MMS22L: variants seen among roughly 807,000 people sequenced by gnomAD.
MMS22L encodes protein MMS22-like.
In MMS22L, 74 loss-of-function variants were observed where a neutral mutation model predicts 159.1. The observed-to-expected ratio is 0.47, with a 90% confidence interval of 0.39 to 0.56. MMS22L has a LOEUF of 0.56. Ranked by LOEUF, MMS22L falls within the 20% of genes least tolerant of loss-of-function variation. The pLI is 0.00. For synonymous variants in MMS22L, 517 were observed against 506.9 expected (o/e 1.02, Z -0.27); for missense variants, 1,351 against 1,422.1 (o/e 0.95, Z 0.80).
At chr6:97,279,861 AT>A (rs1467391617) in intron 3 of MMS22L, among the ~76,000 whole-genome samples, 1 of 152,164 alleles carries the variant, frequency 6.6e-6, no homozygotes, top group Non-Finnish European at 1.5e-5. Context: ...TTTAAACTGT[AT>A]CATACAGTTA....
At chr6:97,243,086 T>G (rs1379226777) in intron 11 of MMS22L, among the ~76,000 whole-genome samples, 2 of 152,182 alleles carry the variant, frequency 1.3e-5, no homozygotes, top group Non-Finnish European at 2.9e-5. Flanking sequence ...GTTTCCCAGG[T>G]GTTCTTTGAG....
chr6:97,208,651 AG>A (rs922262886), intron 14 of MMS22L, among the ~76,000 whole-genome samples: 4 of 152,042 alleles, frequency 2.6e-5, no homozygotes, highest in Non-Finnish European at 4.4e-5. Flanking sequence ...AGACGGATTA[AG>A]GGAAAGAAAC....
intron 14 of MMS22L, among the ~76,000 whole-genome samples, chr6:97,195,495 G>A (rs182801581): frequency 5.0e-4 from 76 of 152,294 alleles, no homozygotes; most frequent in Middle Eastern, 3.4e-3. Context: ...GATTATAATA[G>A]AGAATTTTTA....
chr6:97,149,635 A>C (rs532668970), intron 24 of MMS22L, among the ~76,000 whole-genome samples: 159 of 152,310 alleles, frequency 1.0e-3, no homozygotes, highest in Non-Finnish European at 1.1e-3. Flanking sequence ...GAAAGGAAAA[A>C]CATGCAAATT....
At position 97,229,241 on chromosome 6, in the gene MMS22L, C is replaced by T. The variant is rs780369059; in HGVS notation, c.1692G>A (p.Thr564=). 5.0e-6 allele frequency: 8 copies of T among 1,614,070 alleles called. No individual in the cohort carries two copies. In the East Asian group the frequency reaches 1.3e-4, roughly 27 times the overall value. ...CCTTCCAAATGAGGGCTCTCTGAGACGTTACAAAAGCAGGCTTGAGGAAAT... is the reference window on the plus strand; with the variant it reads ...CCTTCCAAATGAGGGCTCTCTGAGATGTTACAAAAGCAGGCTTGAGGAAAT... ...LLNFLKPAFV[T]SQRALIWKGH... is the part of the protein sequence containing the mutation. Residue 564 remains threonine (T), a synonymous_variant, in exon 14 of 25, where the codon ACG becomes ACA. Coordinates refer to ENST00000683635, the MANE Select transcript of MMS22L (RefSeq NM_001350599.2).
At chr6:97,193,909 C>T (rs960211093) in intron 14 of MMS22L, among the ~76,000 whole-genome samples, 2 of 150,694 alleles carry the variant, frequency 1.3e-5, no homozygotes, top group African/African-American at 2.4e-5. Flanking sequence ...TACAGGCGCC[C>T]GCCACCACGC....
upstream of MMS22L, chr6:97,283,243 G>A (rs1273417792): frequency 6.6e-6 from 1 of 152,268 alleles, no homozygotes; most frequent in Non-Finnish European, 1.5e-5. Flanking sequence ...GCCCTCCCCC[G>A]GCTACCAATC....
At chr6:97,249,725 A>AT (rs66525517) in intron 10 of MMS22L, among the ~76,000 whole-genome samples, 84,204 of 130,384 alleles carry the variant, frequency 0.65, 28,817 homozygotes, top group Non-Finnish European at 0.76. Flanking sequence ...CCAATAACCA[A>AT]TTTTTTTTTT....
intron 14 of MMS22L, among the ~76,000 whole-genome samples, chr6:97,201,524 T>C (rs1371643918): frequency 6.6e-6 from 1 of 152,206 alleles, no homozygotes; most frequent in African/African-American, 2.4e-5. Flanking sequence ...GAACCCACCA[T>C]CAACAATGTC....
chr6:97,163,978 C>A (rs1007027768), intron 21 of MMS22L, among the ~76,000 whole-genome samples: 1 of 151,338 alleles, frequency 6.6e-6, no homozygotes, highest in African/African-American at 2.4e-5. Flanking sequence ...ATTTCATGGA[C>A]AAAAAAGATA....
chr6:97,278,013 G>A (rs1466298098), intron 4 of MMS22L, among the ~76,000 whole-genome samples: 2 of 152,156 alleles, frequency 1.3e-5, no homozygotes, highest in Non-Finnish European at 2.9e-5. Context: ...GGAAGCCAGG[G>A]TGACAAGGCC....
chr6:97,173,841 T>C (rs1803820647), intron 18 of MMS22L, among the ~76,000 whole-genome samples: 1 of 151,040 alleles, frequency 6.6e-6, no homozygotes. Flanking sequence ...AACAGAGACA[T>C]GAGAAGAAGA....
intron 11 of MMS22L, among the ~76,000 whole-genome samples, chr6:97,236,403 A>G (rs577795508): frequency 6.6e-6 from 1 of 151,890 alleles, no homozygotes; most frequent in Non-Finnish European, 1.5e-5. Context: ...AACATTCTAG[A>G]GCTGATGGCC....
rs1582346402 is a variant in MMS22L at position 97,149,801 on chromosome 6, A to G, written c.3650+52T>C. ...ATAAATCATTTCTATAAAATGAAAT[A>G]TAAATTTTATAATCACTGCCCCCCC... On this transcript the variant is annotated intron_variant, in intron 24 of 24. Transcript: ENST00000683635. 4 of 1,457,820 alleles carry G rather than the reference A, an allele frequency of 2.7e-6. No individual in the cohort carries two copies. In the East Asian group the frequency reaches 7.4e-5, roughly 27 times the overall value. The allele number at this position is 1,457,820 out of a possible 1,614,324, so 90.3% of individuals were successfully genotyped here. A position where few individuals can be genotyped will look rare whatever the true frequency, so the allele number is the denominator to read the frequency against.
At position 97,145,180 on chromosome 6, in the gene MMS22L, A is replaced by G. The variant is rs1800878233; in HGVS notation, c.*1626T>C. On this transcript the variant is annotated 3_prime_UTR_variant, in exon 25 of 25. Transcript: ENST00000683635. ...TACATTATTTGTTTAGTAAGTCACT[A>G]TCATGATGAAAAGAAATTCAGTGTT... 1 of 152,142 alleles carries G rather than the reference A, an allele frequency of 6.6e-6. No homozygotes were observed. Among genetic ancestry groups the G allele is most frequent in the African/African-American group, 2.4e-5 (1 of 41,432 alleles). The allele number at this position is 152,142 out of a possible 1,614,324, so 9.4% of individuals were successfully genotyped here.
chr6:97,259,125 CAT>C (rs1266733262), intron 9 of MMS22L: 8 of 152,184 alleles, frequency 5.3e-5, no homozygotes, highest in African/African-American at 1.4e-4. Flanking sequence ...CACACACACA[CAT>C]TGCCTTTTTC....
At position 97,186,793 on chromosome 6, in the gene MMS22L, T is replaced by C. The variant is rs182380830; in HGVS notation, c.2040-103A>G. 655 of 773,690 alleles carry C rather than the reference T, an allele frequency of 8.5e-4. 2 individuals carry two copies. The African/African-American group carries it at 0.011, about 13-fold the overall frequency. 47.9% of individuals were successfully genotyped at this position (773,690 alleles called of 1,614,324 possible). A position where few individuals can be genotyped will look rare whatever the true frequency, so the allele number is the denominator to read the frequency against. ...TTCCATTTATATCATATGAGAAACA[T>C]TTTATATAATTAAAACCTTTATGCC... On this transcript the variant is annotated intron_variant, in intron 14 of 24. Transcript: ENST00000683635.
At chr6:97,208,651 A>C (rs975743815) in intron 14 of MMS22L, among the ~76,000 whole-genome samples, 7 of 152,160 alleles carry the variant, frequency 4.6e-5, no homozygotes, top group African/African-American at 1.7e-4. Context: ...AGACGGATTA[A>C]GGGAAAGAAA....
At position 97,151,843 on chromosome 6, in the gene MMS22L, A is replaced by T; in HGVS notation, c.3410T>A (p.Leu1137Gln). 6.2e-7 allele frequency: 1 copy of T among 1,613,492 alleles called. No individual in the cohort carries two copies. Among genetic ancestry groups the T allele is most frequent in the Non-Finnish European group, 8.5e-7 (1 of 1,179,624 alleles). ...TTGGCAGGCTTTTACCATGTATTGC[A>T]GGTTCTCTGTGGCCAGCCTTTTAAC... The part of the protein sequence containing the change: ...PQVKRLATEN[L>Q]QYMVKACQVG... Residue 1137 changes from leucine (L) to glutamine (Q), a missense_variant, in exon 23 of 25, where the codon CTG (leucine) becomes CAG (glutamine). By Grantham distance (113) the Leu-to-Gln change is moderately radical. Coordinates refer to ENST00000683635, the MANE Select transcript of MMS22L (RefSeq NM_001350599.2).
Sources: gnomAD v4.1 joint callset for allele counts (sites outside exome capture counted in the v4.1 genomes callset) on GRCh38, gnomAD v4.1.1 for gene constraint, MANE v1.5 for transcripts, NCBI Gene and HGNC (gene_info 2026-07-23, HGNC 2026-07-21) for gene names.